Variants in TENT2 observed in about 807,000 individuals in gnomAD.
The protein encoded by TENT2 is poly(A) RNA polymerase GLD2.
In TENT2, 44 loss-of-function variants were observed where a neutral mutation model predicts 72.2. The observed-to-expected ratio is 0.61, with a 90% CI of 0.48 to 0.78. The LOEUF (loss-of-function observed/expected upper bound fraction) is 0.78. TENT2 is among the 30% of genes least tolerant of loss of function. The pLI, the probability that TENT2 is intolerant of heterozygous loss-of-function variation, is 0.00. For missense variants in TENT2, 541 were observed against 569.6 expected, an observed-to-expected ratio of 0.95 and a Z score of 0.51; for synonymous variants, 212 against 192.5, an observed-to-expected ratio of 1.10 and a Z score of -0.84.
chr5:79,640,286 G>A (rs1055988117), intron 4 of TENT2, among the ~76,000 whole-genome samples: 3 of 151,736 alleles, frequency 2.0e-5, no homozygotes, highest in Non-Finnish European at 4.4e-5. Context: ...GTAAGTCGAT[G>A]GCAACATGAA....
chr5:79,659,581 T>TATATATATAA (rs1222963914), intron 11 of TENT2, among the ~76,000 whole-genome samples: 1 of 126,250 alleles, frequency 7.9e-6, no homozygotes, highest in African/African-American at 2.9e-5. Context: ...TATATATATA[T>TATATATATAA]ATATATATAT....
At chr5:79,618,568 T>C (rs1023935669) in intron 1 of TENT2, among the ~76,000 whole-genome samples, 1 of 152,096 alleles carries the variant, frequency 6.6e-6, no homozygotes, top group Non-Finnish European at 1.5e-5. Context: ...TTGTTTTATA[T>C]ATGCAATGTC....
At chr5:79,623,054 A>G (rs868015790) in intron 3 of TENT2, among the ~76,000 whole-genome samples, 198 bp from the exon 4 acceptor site, 3 of 151,632 alleles carry the variant, frequency 2.0e-5, no homozygotes, top group African/African-American at 4.9e-5. Context: ...CATTATTACT[A>G]TTTTTTTTAA....
intron 12 of TENT2, among the ~76,000 whole-genome samples, chr5:79,677,940 A>G (rs1482083880): frequency 6.6e-6 from 1 of 152,186 alleles, no homozygotes; most frequent in South Asian, 2.1e-4. Context: ...AGCTGGGACT[A>G]TAGGCGCCAC....
At chr5:79,649,552 AG>A (rs1382473622) in intron 10 of TENT2, among the ~76,000 whole-genome samples, 2 of 152,138 alleles carry the variant, frequency 1.3e-5, no homozygotes, top group African/African-American at 4.8e-5. Flanking sequence ...AATTTGAGAC[AG>A]GAATTAAATT....
At chr5:79,669,109 T>C (rs1349620931) in intron 12 of TENT2, 81 bp downstream of exon 12, 7 of 1,459,694 alleles carry the variant, frequency 4.8e-6, no homozygotes, top group Non-Finnish European at 6.5e-6. Context: ...TACGAATATA[T>C]AAGTAAATGC....
intron 11 of TENT2, among the ~76,000 whole-genome samples, chr5:79,658,071 A>C (rs922762732): frequency 2.0e-5 from 3 of 152,230 alleles, no homozygotes; most frequent in African/African-American, 7.2e-5. Flanking sequence ...GTGCTGGATA[A>C]TAAACGTTCA....
chr5:79,642,894 C>A lies in TENT2; in HGVS notation c.735C>A (p.His245Gln). The A allele has an allele frequency of 3.7e-6, 6 of 1,611,608 alleles. No homozygotes were observed. The highest frequency in any genetic ancestry group is 5.1e-6 in the Non-Finnish European group (6 of 1,178,964). ...ARHILTLVHK[H>Q]FCTRLSGYIE... ...ATATACTCACCTTAGTCCATAAACA[C>A]TTCTGTACTAGACTTTGTAAGTCTG... The change falls in exon 7 of 15, where the codon CAC becomes CAA. Residue 245 changes from histidine to glutamine, a missense_variant. By Grantham distance (24) the His-to-Gln change is conservative. Transcript: ENST00000453514.
intron 6 of TENT2, 22 bp downstream of exon 6, chr5:79,641,218 C>T: frequency 1.3e-6 from 2 of 1,507,964 alleles, no homozygotes; most frequent in Non-Finnish European, 1.8e-6. Context: ...AACATTTATT[C>T]CAAGTGTGTT....
intron 10 of TENT2, among the ~76,000 whole-genome samples, chr5:79,652,945 G>A (rs1795277030): frequency 6.6e-6 from 1 of 151,620 alleles, no homozygotes; most frequent in Admixed American, 6.6e-5. Flanking sequence ...ATTAAAAATG[G>A]AATAGGATTT....
intron 12 of TENT2, among the ~76,000 whole-genome samples, chr5:79,670,857 A>G (rs559989983): frequency 1.3e-5 from 2 of 151,598 alleles, no homozygotes; most frequent in East Asian, 1.9e-4. Context: ...ATTTGTGTAC[A>G]TGAAACTTGC....
intron 1 of TENT2, chr5:79,614,930 C>G (rs957146523): frequency 2.0e-5 from 3 of 152,172 alleles, no homozygotes; most frequent in African/African-American, 7.2e-5. Context: ...CTCTAGATGT[C>G]TTTCAGAATA....
Position 79,623,239 on chromosome 5 carries a change from T to G in TENT2, c.228-13T>G. On this transcript the variant is annotated splice_polypyrimidine_tract_variant and intron_variant, in intron 3 of 14. Coordinates refer to ENST00000453514, the MANE Select transcript of TENT2 (RefSeq NM_001114394.3). ...TGTATCTTTAATTACTAAGGTATAT[T>G]GCTTGTTTTCAGGAGATTAAGCGAT... 6.3e-7 allele frequency: 1 copy of G among 1,595,020 alleles called. No homozygotes were observed. The highest frequency in any genetic ancestry group is 8.6e-7 in the Non-Finnish European group (1 of 1,167,996).
At chr5:79,617,532 A>G (rs1473772029) in intron 1 of TENT2, 2 of 152,130 alleles carry the variant, frequency 1.3e-5, no homozygotes, top group South Asian at 4.1e-4. Context: ...TTTCTTAGAT[A>G]TCTTCTTGAA....
chr5:79,637,854 G>A (rs1162490754), intron 4 of TENT2, among the ~76,000 whole-genome samples: 3 of 146,332 alleles, frequency 2.1e-5, no homozygotes, highest in Admixed American at 7.0e-5. Flanking sequence ...CTAGAGTGCA[G>A]TGGCATGATC....
intron 13 of TENT2, among the ~76,000 whole-genome samples, chr5:79,680,011 T>A (rs1820466998): frequency 6.6e-6 from 1 of 152,176 alleles, no homozygotes; most frequent in African/African-American, 2.4e-5. Context: ...TATTCTTTTA[T>A]ACTTAAAATA....
chr5:79,663,544 G>C (rs1479733154), intron 11 of TENT2, among the ~76,000 whole-genome samples: 2 of 152,148 alleles, frequency 1.3e-5, no homozygotes, highest in Admixed American at 6.5e-5. Context: ...GGAGACCCAA[G>C]GAAGGGGAGA....
rs759059333 is a variant in TENT2, at chr5:79,640,923, T to C, written c.538T>C (p.Cys180Arg). Reference sequence around the variant, plus strand: ...AAGTGATTTAAAGAAGAAAGAACTCTGTCGAACACAGCTGCAGAGAGAAAT... The same window carrying C: ...AAGTGATTTAAAGAAGAAAGAACTCCGTCGAACACAGCTGCAGAGAGAAAT... The part of the protein sequence containing the change: ...QISDLKKKEL[C>R]RTQLQREIQL... Residue 180 changes from cysteine (C) to arginine (R), a missense_variant, in exon 5 of 15, where the codon TGT becomes CGT. Coordinates refer to ENST00000453514, the MANE Select transcript of TENT2 (RefSeq NM_001114394.3). The C allele has an allele frequency of 6.2e-7, 1 of 1,612,828 alleles. No individual in the cohort carries two copies. Among genetic ancestry groups the C allele is most frequent in the Non-Finnish European group, 8.5e-7 (1 of 1,179,478 alleles).
intron 12 of TENT2, among the ~76,000 whole-genome samples, chr5:79,670,564 C>CT (rs1485435774): frequency 6.6e-6 from 1 of 151,756 alleles, no homozygotes; most frequent in Non-Finnish European, 1.5e-5. Context: ...ACCTAGTGAT[C>CT]TGCCCGCCTC....
Sources: gnomAD v4.1 joint callset for allele counts (sites outside exome capture counted in the v4.1 genomes callset) on GRCh38, gnomAD v4.1.1 for gene constraint, MANE v1.5 for transcripts, NCBI Gene and HGNC (gene_info 2026-07-23, HGNC 2026-07-21) for gene names.